Variants in ADAMTSL1 observed in about 807,000 individuals in gnomAD.
ADAMTSL1 encodes ADAMTS like 1, also known as ADAMTS-like protein 1.
A neutral mutation model predicts 201.8 loss-of-function variants in ADAMTSL1; 126 were observed. The observed-to-expected ratio is 0.62, with a 90% CI of 0.54 to 0.72. The LOEUF is 0.72. ADAMTSL1 is among the 30% of genes least tolerant of loss of function. ADAMTSL1 has a pLI of 0.00. For synonymous variants in ADAMTSL1, 1,121 were observed against 903.4 expected (o/e 1.24, Z -4.32); for missense variants, 2,679 against 2,277.8 (o/e 1.18, Z -3.59).
intron 1 of ADAMTSL1, among the ~76,000 whole-genome samples, chr9:18,013,523 G>A (rs1300358540): frequency 2.6e-5 from 4 of 151,942 alleles, no homozygotes; most frequent in Non-Finnish European, 2.9e-5. Flanking sequence ...ATGGTAAATA[G>A]CCAATTCAAA....
chr9:18,396,046 GC>G (rs1817739727), intron 2 of ADAMTSL1, among the ~76,000 whole-genome samples: 1 of 152,104 alleles, frequency 6.6e-6, no homozygotes, highest in African/African-American at 2.4e-5. Flanking sequence ...AGTTCTTGGG[GC>G]TAGCTCTTGC....
rs1395872575 is a variant in ADAMTSL1 at position 18,198,476 on chromosome 9, G to A, written c.207+34495G>A. ...CATGAACAGACACTTCTCAAAAGGA[G>A]ACATTTATGCAGCCAAAAAACACAT... On this transcript the variant is annotated intron_variant, in intron 2 of 29. Coordinates refer to the ADAMTSL1 transcript ENST00000680146. 5.3e-4 allele frequency among the ~76,000 whole-genome samples: 79 copies of A among 150,052 alleles called. No individual in the cohort carries two copies. The East Asian group carries it at 0.012, about 23-fold the overall frequency.
At chr9:18,827,838 G>A (rs774824455) in intron 22 of ADAMTSL1, among the ~76,000 whole-genome samples, 1 of 152,106 alleles carries the variant, frequency 6.6e-6, no homozygotes, top group Non-Finnish European at 1.5e-5. Flanking sequence ...CAAACTTAAT[G>A]GGGAAAAAAA....
intron 2 of ADAMTSL1, among the ~76,000 whole-genome samples, chr9:18,438,743 A>G (rs1415515920): frequency 6.6e-6 from 1 of 152,048 alleles, no homozygotes; most frequent in Admixed American, 6.5e-5. Context: ...AGGACCCTGC[A>G]CTCAGCTTAC....
At chr9:18,460,370 C>G (rs984273162) in intron 2 of ADAMTSL1, among the ~76,000 whole-genome samples, 1 of 152,194 alleles carries the variant, frequency 6.6e-6, no homozygotes, top group Non-Finnish European at 1.5e-5. Flanking sequence ...TGCAGAGTAT[C>G]TGCCTGAACA....
intron 2 of ADAMTSL1, among the ~76,000 whole-genome samples, chr9:18,436,834 G>C (rs1167000656): frequency 6.6e-6 from 1 of 152,160 alleles, no homozygotes; most frequent in African/African-American, 2.4e-5. Flanking sequence ...CAGACTCTGA[G>C]GTGGAGAGCT....
chr9:18,838,716 G>T (rs556990316), intron 23 of ADAMTSL1, among the ~76,000 whole-genome samples: 351 of 151,666 alleles, frequency 2.3e-3, no homozygotes, highest in African/African-American at 8.1e-3. Flanking sequence ...TGTAGTCCAA[G>T]CTGCTTGGGA....
At chr9:18,456,074 C>CTA (rs1820590873) in intron 2 of ADAMTSL1, among the ~76,000 whole-genome samples, 1 of 152,146 alleles carries the variant, frequency 6.6e-6, no homozygotes, top group South Asian at 2.1e-4. Context: ...CATACCTTGG[C>CTA]TATGTCCTCA....
At chr9:18,620,370 C>G (rs939955453) in intron 4 of ADAMTSL1, among the ~76,000 whole-genome samples, 1 of 152,152 alleles carries the variant, frequency 6.6e-6, no homozygotes, top group Admixed American at 6.5e-5. Context: ...CCCATAGATG[C>G]TGAAATTCAC....
intron 2 of ADAMTSL1, among the ~76,000 whole-genome samples, chr9:18,191,560 G>A (rs552938158): frequency 6.6e-6 from 1 of 152,282 alleles, no homozygotes; most frequent in East Asian, 1.9e-4. Context: ...CCTTAGCTGA[G>A]CCTCAGATCC....
intron 22 of ADAMTSL1, among the ~76,000 whole-genome samples, chr9:18,826,819 G>A (rs548133884): frequency 6.6e-5 from 10 of 152,180 alleles, no homozygotes; most frequent in African/African-American, 9.7e-5. Flanking sequence ...AACTCTTCCT[G>A]CATTAAGGAC....
At chr9:18,022,543 A>AT (rs143066877) in intron 1 of ADAMTSL1, among the ~76,000 whole-genome samples, 8,224 of 149,480 alleles carry the variant, frequency 0.055, 261 homozygotes, top group African/African-American at 0.076. Context: ...ACGTAATGTT[A>AT]TTTTTTTTTT....
intron 2 of ADAMTSL1, among the ~76,000 whole-genome samples, chr9:18,298,975 G>A (rs549860313): frequency 2.0e-5 from 3 of 149,902 alleles, no homozygotes; most frequent in South Asian, 4.2e-4. Flanking sequence ...TGGCGCCACT[G>A]CACTCCAGCC....
At chr9:18,343,218 G>A (rs1835551246) in intron 2 of ADAMTSL1, among the ~76,000 whole-genome samples, 1 of 151,930 alleles carries the variant, frequency 6.6e-6, no homozygotes. Context: ...AGTTTTGTAG[G>A]TCTTAAGGAT....
intron 15 of ADAMTSL1, among the ~76,000 whole-genome samples, chr9:18,742,573 G>A (rs1818898704): frequency 6.6e-6 from 1 of 152,152 alleles, no homozygotes; most frequent in Non-Finnish European, 1.5e-5. Context: ...GGATGGTGAG[G>A]GAAACCTTGC....
chr9:18,289,775 A>G (rs140655173), intron 2 of ADAMTSL1, among the ~76,000 whole-genome samples: 2 of 152,290 alleles, frequency 1.3e-5, no homozygotes, highest in East Asian at 3.9e-4. Flanking sequence ...CACCAGCTCT[A>G]TTTTTTAATA....
chr9:18,704,856 G>T (rs1832138921), intron 13 of ADAMTSL1, among the ~76,000 whole-genome samples: 1 of 152,124 alleles, frequency 6.6e-6, no homozygotes, highest in African/African-American at 2.4e-5. Context: ...GATTTTCTTG[G>T]GATAATTCTG....
At chr9:18,495,474 C>T (rs1395213824) in intron 1 of ADAMTSL1, among the ~76,000 whole-genome samples, 1 of 152,130 alleles carries the variant, frequency 6.6e-6, no homozygotes, top group Non-Finnish European at 1.5e-5. Flanking sequence ...CCCCAGAGCA[C>T]CTCCTAGATA....
At chr9:18,824,704 T>TA (rs1423760251) in intron 21 of ADAMTSL1, among the ~76,000 whole-genome samples, 1 of 140,342 alleles carries the variant, frequency 7.1e-6, no homozygotes, top group Non-Finnish European at 1.5e-5. Flanking sequence ...TTTTTTTTTT[T>TA]TTTTTTTTTT....
Sources: gnomAD v4.1 joint callset for allele counts (sites outside exome capture counted in the v4.1 genomes callset) on GRCh38, gnomAD v4.1.1 for gene constraint, MANE v1.5 for transcripts, NCBI Gene and HGNC (gene_info 2026-07-23, HGNC 2026-07-21) for gene names.